ROBO2: variants seen among roughly 807,000 people sequenced by gnomAD.
ROBO2 encodes the protein roundabout guidance receptor 2.
Under a neutral mutation model 160.8 loss-of-function variants are expected in ROBO2, and 53 were observed. The observed-to-expected ratio is 0.33, with a 90% CI of 0.26 to 0.41. The LOEUF (loss-of-function observed/expected upper bound fraction) is 0.41. ROBO2 is among the 10% of genes least tolerant of loss of function. ROBO2 has a pLI of 1.00. For synonymous variants in ROBO2, 664 were observed against 611.7 expected (o/e 1.09, Z -1.26); for missense variants, 1,577 against 1,722.4 (o/e 0.92, Z 1.49).
intron 2 of ROBO2, among the ~76,000 whole-genome samples, chr3:76,722,166 G>C (rs1341501886): frequency 6.6e-6 from 1 of 152,178 alleles, no homozygotes; most frequent in Non-Finnish European, 1.5e-5. Context: ...TTGTCATTGG[G>C]TTGACCACAG....
chr3:77,336,636 T>C (rs1470539589), intron 2 of ROBO2, among the ~76,000 whole-genome samples: 1 of 152,184 alleles, frequency 6.6e-6, no homozygotes, highest in East Asian at 1.9e-4. Context: ...TAATACATTA[T>C]GAGGGAACTA....
chr3:76,226,904 A>G (rs969667128), intron 2 of ROBO2, among the ~76,000 whole-genome samples: 3 of 152,126 alleles, frequency 2.0e-5, no homozygotes, highest in Admixed American at 6.5e-5. Context: ...AAATAAATGT[A>G]CTCACAGCAG....
intron 5 of ROBO2, among the ~76,000 whole-genome samples, chr3:77,508,431 C>CTA (rs1413621432): frequency 2.0e-5 from 3 of 147,654 alleles, no homozygotes; most frequent in Non-Finnish European, 4.5e-5. Context: ...TTAGAGATTT[C>CTA]TATATATATG....
At chr3:76,240,157 G>T (rs1705199714) in intron 2 of ROBO2, among the ~76,000 whole-genome samples, 1 of 152,094 alleles carries the variant, frequency 6.6e-6, no homozygotes, top group South Asian at 2.1e-4. Flanking sequence ...TATGCTGTAA[G>T]TTCTGGGGTA....
chr3:77,493,576 A>G lies in ROBO2; in HGVS notation c.806+194A>G, dbSNP rs75990670. Among the ~76,000 whole-genome samples, 987 of 152,230 alleles carry G rather than the reference A, an allele frequency of 6.5e-3. 13 individuals carry two copies. The highest frequency in any genetic ancestry group is 0.023 in the African/African-American group (954 of 41,548). On this transcript the variant is annotated intron_variant, in intron 5 of 25. Coordinates refer to ENST00000461745, the Ensembl canonical transcript of ROBO2. ...CCAGGCTTTCAATGTCACTCTTTCA[A>G]TGAGTATCTACATTAATGCTTGATT...
intron 2 of ROBO2, among the ~76,000 whole-genome samples, chr3:76,369,483 T>C (rs957032238): frequency 6.6e-6 from 1 of 151,974 alleles, no homozygotes; most frequent in Non-Finnish European, 1.5e-5. Context: ...ATGACTTGCA[T>C]AGTTAGATCT....
At chr3:76,831,957 T>G (rs2067133264) in intron 2 of ROBO2, among the ~76,000 whole-genome samples, 1 of 152,160 alleles carries the variant, frequency 6.6e-6, no homozygotes, top group South Asian at 2.1e-4. Flanking sequence ...ACTTACTTCT[T>G]TAATCCAGTT....
At chr3:76,600,467 C>CA (rs2087053595) in intron 2 of ROBO2, among the ~76,000 whole-genome samples, 2 of 152,146 alleles carry the variant, frequency 1.3e-5, no homozygotes, top group Admixed American at 1.3e-4. Context: ...TAATTTGACT[C>CA]ATAGTTCCAC....
intron 2 of ROBO2, among the ~76,000 whole-genome samples, chr3:76,563,904 T>C (rs769892795): frequency 1.3e-5 from 2 of 152,216 alleles, no homozygotes; most frequent in Non-Finnish European, 2.9e-5. Context: ...AAGCAGTTCT[T>C]TGTTTTTAAA....
intron 2 of ROBO2, among the ~76,000 whole-genome samples, chr3:76,751,484 A>G (rs2060646235): frequency 6.6e-6 from 1 of 152,148 alleles, no homozygotes; most frequent in Admixed American, 6.6e-5. Flanking sequence ...ATTTAAAAGA[A>G]ACTACCATCA....
At chr3:76,342,330 G>A (rs1559794024) in intron 2 of ROBO2, among the ~76,000 whole-genome samples, 1 of 152,128 alleles carries the variant, frequency 6.6e-6, no homozygotes, top group African/African-American at 2.4e-5. Flanking sequence ...GAGAGACATA[G>A]ATCTTTGTTA....
chr3:77,540,088 T>A (rs916292806), intron 6 of ROBO2, among the ~76,000 whole-genome samples: 1 of 152,186 alleles, frequency 6.6e-6, no homozygotes, highest in African/African-American at 2.4e-5. Flanking sequence ...ATGGTAAGTA[T>A]TGTAGGTTTC....
At chr3:77,520,450 A>AT (rs989827696) in intron 5 of ROBO2, among the ~76,000 whole-genome samples, 2 of 151,040 alleles carry the variant, frequency 1.3e-5, no homozygotes, top group East Asian at 2.0e-4. Context: ...GTGTGCAATA[A>AT]TTTTTTTTAA....
Position 77,634,861 on chromosome 3 carries a change from T to C in ROBO2, c.3761-9T>C. ...TCTCTAGAACCCATTCCCTTTATTT[T>C]CATTTTAGGAAAAGCCTTTACCTCC... is the stretch of plus-strand genomic sequence containing the variant. On this transcript the variant is annotated splice_polypyrimidine_tract_variant and intron_variant, in intron 23 of 25. Transcript: ENST00000461745. 2 of 1,613,868 alleles carry C rather than the reference T, an allele frequency of 1.2e-6. No individual in the cohort carries two copies. Among genetic ancestry groups the C allele is most frequent in the South Asian group, 1.1e-5 (1 of 91,080 alleles).
intron 2 of ROBO2, among the ~76,000 whole-genome samples, chr3:77,185,144 A>G (rs2081165744): frequency 6.6e-6 from 1 of 152,038 alleles, no homozygotes; most frequent in Non-Finnish European, 1.5e-5. Context: ...AGGTAGAATG[A>G]TAGTTCCATC....
chr3:77,063,943 T>G (rs1057337874), intron 1 of ROBO2, among the ~76,000 whole-genome samples: 6 of 152,224 alleles, frequency 3.9e-5, no homozygotes, highest in African/African-American at 1.2e-4. Context: ...TTAAAAGCTA[T>G]TTCTCATTTA....
intron 2 of ROBO2, among the ~76,000 whole-genome samples, chr3:77,451,034 T>C (rs2081064307): frequency 6.6e-6 from 1 of 152,132 alleles, no homozygotes; most frequent in Non-Finnish European, 1.5e-5. Context: ...TCAGCAGCTA[T>C]ATTCATTAAG....
chr3:76,568,856 CTA>C (rs2084775957), intron 2 of ROBO2, among the ~76,000 whole-genome samples: 1 of 152,082 alleles, frequency 6.6e-6, no homozygotes, highest in Non-Finnish European at 1.5e-5. Context: ...CCATAGCATT[CTA>C]TGTTCTACTA....
At chr3:76,104,890 A>G (rs1229698163) in intron 2 of ROBO2, among the ~76,000 whole-genome samples, 1 of 152,218 alleles carries the variant, frequency 6.6e-6, no homozygotes. Flanking sequence ...TTGAATCTGT[A>G]CTATGGGAAT....
Sources: gnomAD v4.1 joint callset for allele counts (sites outside exome capture counted in the v4.1 genomes callset) on GRCh38, gnomAD v4.1.1 for gene constraint, MANE v1.5 for transcripts, NCBI Gene and HGNC (gene_info 2026-07-23, HGNC 2026-07-21) for gene names.